GRK3: variants seen among roughly 807,000 people sequenced by gnomAD.
GRK3 encodes G protein-coupled receptor kinase 3.
Under a neutral mutation model 95.7 loss-of-function variants are expected in GRK3, and 54 were observed. That is an observed-to-expected ratio of 0.56 (90% CI 0.45 to 0.71). The LOEUF (loss-of-function observed/expected upper bound fraction) is 0.71. GRK3 is among the 30% of genes least tolerant of loss of function. The pLI is 0.00. For synonymous variants in GRK3, 281 were observed against 290.8 expected (o/e 0.97, Z 0.34); for missense variants, 649 against 851.2 (o/e 0.76, Z 2.96).
chr22:25,663,664 G>A lies in GRK3; in HGVS notation c.401G>A (p.Ser134Asn), dbSNP rs1285945028. Residue 134 changes from serine (S) to asparagine (N), a missense_variant, in exon 5 of 21, where the codon AGT (serine) becomes AAT (asparagine). Ser to Asn is a conservative substitution (Grantham distance 46). Coordinates refer to ENST00000324198, the MANE Select transcript of GRK3 (RefSeq NM_005160.4). The part of the protein sequence containing the change: ...FSKQAVEHVQ[S>N]HLSKKQVTST... ...AAGCAAGCTGTAGAACACGTACAAA[G>A]TCATTTATCCAAGAAACAAGTGACA... is the stretch of plus-strand genomic sequence containing the variant. 1 of 1,611,696 alleles carries A rather than the reference G, an allele frequency of 6.2e-7. No homozygotes were observed. The highest frequency in any genetic ancestry group is 1.7e-5 in the Admixed American group (1 of 59,846).
chr22:25,688,115 A>G (rs1441200783), intron 11 of GRK3, among the ~76,000 whole-genome samples: 1 of 151,818 alleles, frequency 6.6e-6, no homozygotes. Flanking sequence ...AGGTGCCTGT[A>G]GTCCCAGCTA....
chr22:25,603,063 C>T (rs1274949515), intron 1 of GRK3, among the ~76,000 whole-genome samples: 9 of 152,080 alleles, frequency 5.9e-5, no homozygotes, highest in East Asian at 3.9e-4. Context: ...ACTACAGACA[C>T]GCACAACCAC....
intron 2 of GRK3, among the ~76,000 whole-genome samples, chr22:25,612,945 A>T (rs1365998734): frequency 6.6e-6 from 1 of 152,194 alleles, no homozygotes; most frequent in Non-Finnish European, 1.5e-5. Context: ...ATTATTAAAA[A>T]AAACCCCAAA....
At chr22:25,576,083 T>C (rs550493425) in intron 1 of GRK3, among the ~76,000 whole-genome samples, 1 of 152,334 alleles carries the variant, frequency 6.6e-6, no homozygotes, top group African/African-American at 2.4e-5. Context: ...CAGATTTATC[T>C]GAAAAGCTAC....
intron 4 of GRK3, among the ~76,000 whole-genome samples, chr22:25,662,852 A>G (rs1394455958): frequency 1.3e-5 from 2 of 152,172 alleles, no homozygotes; most frequent in Non-Finnish European, 2.9e-5. Context: ...ATTATTAAAG[A>G]AGACACAATT....
intron 11 of GRK3, among the ~76,000 whole-genome samples, chr22:25,688,668 A>G (rs1042231329): frequency 1.3e-5 from 2 of 152,230 alleles, no homozygotes; most frequent in Non-Finnish European, 2.9e-5. Context: ...ATATAGGAGT[A>G]TTCTGAGTTT....
chr22:25,640,791 A>G (rs2084737408), intron 2 of GRK3, among the ~76,000 whole-genome samples: 1 of 151,672 alleles, frequency 6.6e-6, no homozygotes, highest in South Asian at 2.1e-4. Flanking sequence ...AAGTTAATCA[A>G]TATTCAGCAT....
At chr22:25,650,610 G>C (rs551419953) in intron 3 of GRK3, among the ~76,000 whole-genome samples, 2 of 152,268 alleles carry the variant, frequency 1.3e-5, no homozygotes, top group African/African-American at 4.8e-5. Context: ...AAATGTGAAA[G>C]TTTTACAAGA....
At position 25,722,282 on chromosome 22, in the gene GRK3, C is replaced by T; in HGVS notation, c.1906-7C>T. Reference sequence around the variant, plus strand: ...GTCACAACGGCTGCCTTTGTATTCCCCCTCAGAGTGATCCAGAGTTTGTGC... The same window carrying T: ...GTCACAACGGCTGCCTTTGTATTCCTCCTCAGAGTGATCCAGAGTTTGTGC... On this transcript the variant is annotated splice_region_variant and splice_polypyrimidine_tract_variant and intron_variant, in intron 20 of 20. Coordinates refer to ENST00000324198, the MANE Select transcript of GRK3 (RefSeq NM_005160.4). 6.2e-7 allele frequency: 1 copy of T among 1,613,948 alleles called. No individual in the cohort carries two copies. Among genetic ancestry groups the T allele is most frequent in the Non-Finnish European group, 8.5e-7 (1 of 1,179,884 alleles).
intron 2 of GRK3, among the ~76,000 whole-genome samples, chr22:25,634,081 T>C (rs893979435): frequency 3.3e-5 from 5 of 152,238 alleles, no homozygotes; most frequent in Admixed American, 1.3e-4. Context: ...TTTTCACCAT[T>C]CAATTCATGA....
At chr22:25,593,099 T>C (rs574525366) in intron 1 of GRK3, among the ~76,000 whole-genome samples, 5 of 152,106 alleles carry the variant, frequency 3.3e-5, no homozygotes, top group Admixed American at 1.3e-4. Context: ...TCTTTGTTAT[T>C]AATGAATAGT....
At chr22:25,644,977 C>T (rs78188041) in intron 3 of GRK3, among the ~76,000 whole-genome samples, 317 of 152,210 alleles carry the variant, frequency 2.1e-3, no homozygotes, top group African/African-American at 7.2e-3. Context: ...TCTGTGGAAG[C>T]GTGCTAGTTC....
At chr22:25,670,670 A>G (rs927838105) in intron 6 of GRK3, among the ~76,000 whole-genome samples, 2 of 152,058 alleles carry the variant, frequency 1.3e-5, no homozygotes, top group Non-Finnish European at 2.9e-5. Flanking sequence ...GTAAGGAATC[A>G]TGCCAGGGGC....
chr22:25,722,399 T>C lies in GRK3; in HGVS notation c.2016T>C (p.Thr672=). 1 of 1,614,152 alleles carries C rather than the reference T, an allele frequency of 6.2e-7. No individual in the cohort carries two copies. The highest frequency in any genetic ancestry group is 1.3e-5 in the African/African-American group (1 of 75,024). ...PKFLNKPRSG[T]VELPKPSLCH... The stretch of plus-strand genomic sequence containing the variant: ...TCCTCAACAAACCTCGGTCAGGTAC[T>C]GTGGAGCTCCCAAAGCCATCCCTCT... The change falls in exon 21 of 21, where the codon ACT becomes ACC. Residue 672 remains threonine (T), a synonymous_variant. Transcript: ENST00000324198.
At chr22:25,604,920 G>A (rs570942127) in intron 2 of GRK3, among the ~76,000 whole-genome samples, 9 of 152,302 alleles carry the variant, frequency 5.9e-5, no homozygotes, top group Admixed American at 1.3e-4. Context: ...TTAAGACTGC[G>A]TATTCTTCGA....
chr22:25,593,105 A>G (rs1407164642), intron 1 of GRK3, among the ~76,000 whole-genome samples: 1 of 150,748 alleles, frequency 6.6e-6, no homozygotes, highest in African/African-American at 2.4e-5. Context: ...TTATTAATGA[A>G]TAGTGCTGTG....
At chr22:25,688,835 G>T (rs182940029) in intron 11 of GRK3, among the ~76,000 whole-genome samples, 1 of 152,302 alleles carries the variant, frequency 6.6e-6, no homozygotes, top group Admixed American at 6.5e-5. Flanking sequence ...TAATGATTGC[G>T]CAAACATAGA....
At chr22:25,656,944 G>A (rs2084875952) in intron 3 of GRK3, among the ~76,000 whole-genome samples, 1 of 152,156 alleles carries the variant, frequency 6.6e-6, no homozygotes, top group Non-Finnish European at 1.5e-5. Context: ...GTGAGGGGGA[G>A]AGCATTTTAG....
At chr22:25,596,261 A>T (rs1463363803) in intron 1 of GRK3, among the ~76,000 whole-genome samples, 1 of 152,208 alleles carries the variant, frequency 6.6e-6, no homozygotes, top group African/African-American at 2.4e-5. Context: ...CATTCATGAA[A>T]TGTTGGATGA....
Sources: allele counts gnomAD v4.1 joint callset (sites outside exome capture counted in the v4.1 genomes callset), GRCh38; gene constraint gnomAD v4.1.1; transcripts MANE v1.5; gene names NCBI Gene and HGNC (gene_info 2026-07-23, HGNC 2026-07-21).